SLC35F3: variants seen among roughly 807,000 people sequenced by gnomAD.
SLC35F3 encodes the protein solute carrier family 35 member F3, also known as putative thiamine transporter SLC35F3.
Under a neutral mutation model 49.9 loss-of-function variants are expected in SLC35F3, and 25 were observed. That is an observed-to-expected ratio of 0.50 (90% CI 0.37 to 0.70). The LOEUF (loss-of-function observed/expected upper bound fraction) is 0.70. Ranked by LOEUF, SLC35F3 falls within the 30% of genes least tolerant of loss-of-function variation. The pLI, the probability that SLC35F3 is intolerant of heterozygous loss-of-function variation, is 0.00. For missense variants in SLC35F3, 525 were observed against 639.8 expected (o/e 0.82, Z 1.94); for synonymous variants, 275 against 265.4 (o/e 1.04, Z -0.35).
intron 3 of SLC35F3, among the ~76,000 whole-genome samples, chr1:234,233,211 G>T (rs1170520965): frequency 6.6e-6 from 1 of 152,192 alleles, no homozygotes; most frequent in East Asian, 1.9e-4. Flanking sequence ...CCAGAGAAAA[G>T]CTAATATTTA....
chr1:233,954,293 A>G (rs1007633926), intron 2 of SLC35F3, among the ~76,000 whole-genome samples: 3 of 152,194 alleles, frequency 2.0e-5, no homozygotes, highest in African/African-American at 7.2e-5. Flanking sequence ...GGCGTGAGCC[A>G]CTGCTCCCGG....
At chr1:234,260,591 A>G (rs1212158623) in intron 3 of SLC35F3, among the ~76,000 whole-genome samples, 1 of 152,190 alleles carries the variant, frequency 6.6e-6, no homozygotes, top group Non-Finnish European at 1.5e-5. Context: ...GCTGAGGGGT[A>G]ACATTCTGGG....
intron 2 of SLC35F3, among the ~76,000 whole-genome samples, chr1:234,024,721 A>G (rs185986675): frequency 5.3e-5 from 8 of 152,084 alleles, no homozygotes; most frequent in African/African-American, 1.9e-4. Context: ...CCATCAGTGG[A>G]TTATTTCCTT....
intron 2 of SLC35F3, among the ~76,000 whole-genome samples, chr1:234,052,110 T>C (rs1664386555): frequency 6.6e-6 from 1 of 152,176 alleles, no homozygotes; most frequent in Non-Finnish European, 1.5e-5. Flanking sequence ...TCTTTTTTTG[T>C]TGTGTCTCTG....
chr1:234,139,518 CT>C (rs1665859789), intron 2 of SLC35F3, among the ~76,000 whole-genome samples: 1 of 152,120 alleles, frequency 6.6e-6, no homozygotes, highest in Non-Finnish European at 1.5e-5. Context: ...TTATATCGTC[CT>C]TTTACATAAA....
chr1:234,149,241 C>A (rs1032633417), intron 2 of SLC35F3, among the ~76,000 whole-genome samples: 1 of 152,112 alleles, frequency 6.6e-6, no homozygotes, highest in Non-Finnish European at 1.5e-5. Context: ...CATAAAATAC[C>A]CATGGGGGAC....
Position 234,141,156 on chromosome 1 carries a change from C to T in SLC35F3, c.284-90261C>T, listed in dbSNP as rs574612776. Among the ~76,000 whole-genome samples the T allele has an allele frequency of 3.9e-5, 6 of 152,246 alleles. No individual in the cohort carries two copies. In the South Asian group the frequency reaches 1.2e-3, roughly 32 times the overall value. The stretch of plus-strand genomic sequence containing the variant: ...GTTTGACATGCAGATGGTGTCCTCC[C>T]TGGCATTTTTATTGGGTAATATATT... On this transcript the variant is annotated intron_variant, in intron 2 of 7. Coordinates refer to ENST00000366618, the MANE Select transcript of SLC35F3 (RefSeq NM_173508.4).
At chr1:234,302,510 T>C (rs1195882821) in intron 3 of SLC35F3, among the ~76,000 whole-genome samples, 1 of 152,030 alleles carries the variant, frequency 6.6e-6, no homozygotes, top group East Asian at 1.9e-4. Flanking sequence ...AAAGTGTGGC[T>C]ATGAAAAAGG....
intron 2 of SLC35F3, among the ~76,000 whole-genome samples, chr1:233,983,181 TC>T (rs1663213181): frequency 6.6e-6 from 1 of 151,304 alleles, no homozygotes; most frequent in Non-Finnish European, 1.5e-5. Context: ...TCTGCCGCCC[TC>T]CCTCTCTATC....
At chr1:234,236,093 A>G (rs1667463878) in intron 3 of SLC35F3, among the ~76,000 whole-genome samples, 1 of 152,128 alleles carries the variant, frequency 6.6e-6, no homozygotes, top group Non-Finnish European at 1.5e-5. Flanking sequence ...GGGAAGGCCC[A>G]GATACATGTC....
intron 2 of SLC35F3, among the ~76,000 whole-genome samples, chr1:234,044,551 A>C (rs191919141): frequency 3.3e-5 from 5 of 152,338 alleles, no homozygotes; most frequent in Admixed American, 3.3e-4. Flanking sequence ...GCCAGTTTAC[A>C]CATCCACCAG....
chr1:233,939,934 C>T (rs1662394258), intron 2 of SLC35F3, among the ~76,000 whole-genome samples: 1 of 152,128 alleles, frequency 6.6e-6, no homozygotes. Context: ...AGACTTTTTT[C>T]TCCTTGTCAA....
chr1:234,201,233 G>A (rs1290766955), intron 2 of SLC35F3, among the ~76,000 whole-genome samples: 3 of 152,322 alleles, frequency 2.0e-5, no homozygotes, highest in East Asian at 1.9e-4. Flanking sequence ...TATGTAATGT[G>A]CTTGGATGAA....
intron 3 of SLC35F3, among the ~76,000 whole-genome samples, chr1:234,263,290 T>C (rs2102969392): frequency 6.6e-6 from 1 of 152,250 alleles, no homozygotes; most frequent in Middle Eastern, 3.4e-3. Flanking sequence ...ATATGAATTT[T>C]AAAAGAACAA....
chr1:234,103,224 A>G (rs1665238364), intron 2 of SLC35F3, among the ~76,000 whole-genome samples: 1 of 152,226 alleles, frequency 6.6e-6, no homozygotes, highest in African/African-American at 2.4e-5. Context: ...GTGACTAACA[A>G]ATTTTCCTTG....
intron 3 of SLC35F3, among the ~76,000 whole-genome samples, chr1:234,248,032 T>C (rs1667669739): frequency 6.6e-6 from 1 of 152,188 alleles, no homozygotes; most frequent in Non-Finnish European, 1.5e-5. Flanking sequence ...GGCTGGTCCA[T>C]TGTTTGGTAG....
chr1:233,954,954 G>A (rs993890495), intron 2 of SLC35F3, among the ~76,000 whole-genome samples: 8 of 151,956 alleles, frequency 5.3e-5, no homozygotes, highest in Admixed American at 1.3e-4. Context: ...AGCGATTCTC[G>A]TGCCTTGGCT....
rs1406587222 is a variant in SLC35F3, at chr1:234,108,242, A to G, written c.284-123175A>G. On this transcript the variant is annotated intron_variant, in intron 2 of 7. Coordinates refer to ENST00000366618, the MANE Select transcript of SLC35F3 (RefSeq NM_173508.4). Reference sequence around the variant, plus strand: ...ATAAAAGATATATATATTTATATATATAAAAGATATATATATTTATATATA... The same window carrying G: ...ATAAAAGATATATATATTTATATATGTAAAAGATATATATATTTATATATA... 2.5e-3 allele frequency among the ~76,000 whole-genome samples: 250 copies of G among 98,464 alleles called. 3 individuals carry two copies. Among genetic ancestry groups the G allele is most frequent in the Non-Finnish European group, 4.0e-3 (199 of 50,344 alleles). 64.6% of individuals were successfully genotyped at this position (98,464 alleles called of 152,430 possible). A position where few individuals can be genotyped will look rare whatever the true frequency, so the allele number is the denominator to read the frequency against.
At chr1:233,938,118 C>CA (rs995612490) in intron 2 of SLC35F3, among the ~76,000 whole-genome samples, 12 of 151,704 alleles carry the variant, frequency 7.9e-5, no homozygotes, top group African/African-American at 2.4e-4. Context: ...TCATCATAGG[C>CA]AAAAAAATAA....
Sources: allele counts gnomAD v4.1 joint callset (sites outside exome capture counted in the v4.1 genomes callset), GRCh38; gene constraint gnomAD v4.1.1; transcripts MANE v1.5; gene names NCBI Gene and HGNC (gene_info 2026-07-23, HGNC 2026-07-21).